Variants in NTNG2 observed in about 807,000 individuals in gnomAD.
The protein encoded by NTNG2 is netrin-G2.
A neutral mutation model predicts 47.6 loss-of-function variants in NTNG2; 15 were observed. That is an observed-to-expected ratio of 0.32 (90% CI 0.21 to 0.49). NTNG2 has a LOEUF of 0.49. NTNG2 is among the 20% of genes least tolerant of loss of function. NTNG2 has a pLI of 0.99. For synonymous variants in NTNG2, 307 were observed against 324.6 expected, an observed-to-expected ratio of 0.95 and a Z score of 0.58; for missense variants, 578 against 764.6, an observed-to-expected ratio of 0.76 and a Z score of 2.88.
intron 3 of NTNG2, 59 bp downstream of exon 3, chr9:132,198,668 G>A: frequency 6.6e-7 from 1 of 1,519,974 alleles, no homozygotes. Flanking sequence ...CTGTTACCTG[G>A]GACGTTATTG....
intron 3 of NTNG2, among the ~76,000 whole-genome samples, chr9:132,210,520 A>G (rs751262455): frequency 2.0e-5 from 3 of 152,224 alleles, no homozygotes; most frequent in Non-Finnish European, 4.4e-5. Context: ...AGCCAAAGGT[A>G]CTTTGGAGGA....
intron 4 of NTNG2, among the ~76,000 whole-genome samples, chr9:132,229,447 C>G (rs551632415): frequency 6.6e-6 from 1 of 152,280 alleles, no homozygotes; most frequent in East Asian, 1.9e-4. Context: ...GCAGCCCTCA[C>G]TCCCGATGCC....
At chr9:132,224,726 A>G (rs1840606354) in intron 3 of NTNG2, among the ~76,000 whole-genome samples, 1 of 152,260 alleles carries the variant, frequency 6.6e-6, no homozygotes, top group Non-Finnish European at 1.5e-5. Flanking sequence ...ATATCAGAAT[A>G]TAGAGCACAC....
chr9:132,186,174 C>A (rs1837366842), intron 2 of NTNG2, among the ~76,000 whole-genome samples: 1 of 152,160 alleles, frequency 6.6e-6, no homozygotes, highest in Admixed American at 6.5e-5. Context: ...GGTAATGAAA[C>A]CCCTGTCGCT....
At position 132,235,582 on chromosome 9, in the gene NTNG2, A is replaced by C. The variant is rs1002624281; in HGVS notation, c.1055-3522A>C. Among the ~76,000 whole-genome samples, 4 of 152,154 alleles carry C rather than the reference A, an allele frequency of 2.6e-5. No homozygotes were observed. In the South Asian group the frequency reaches 8.3e-4, roughly 32 times the overall value. ...GTGGGGTGCGGGGCTGTGATGCCTC[A>C]GTATGTACCCAGCTTCCCTCAGCAC... is the stretch of plus-strand genomic sequence containing the variant. On this transcript the variant is annotated intron_variant, in intron 5 of 7. Transcript: ENST00000393229.
intron 2 of NTNG2, among the ~76,000 whole-genome samples, chr9:132,179,085 C>T (rs967091340): frequency 6.6e-6 from 1 of 152,098 alleles, no homozygotes; most frequent in Non-Finnish European, 1.5e-5. Flanking sequence ...GAGCTTCAGA[C>T]CCTGGAGGCT....
rs932431713 is a variant in NTNG2, at chr9:132,208,656, G to A, written c.857+10047G>A. Among the ~76,000 whole-genome samples the A allele has an allele frequency of 6.6e-6, 1 of 152,196 alleles. No homozygotes were observed. The highest frequency in any genetic ancestry group is 1.5e-5 in the Non-Finnish European group (1 of 68,024). The stretch of plus-strand genomic sequence containing the variant: ...CCCAGGCATCTGGCTTTGAGACACT[G>A]GGTGGATGGAAATTTTGCCTTGTCA... On this transcript the variant is annotated intron_variant, in intron 3 of 7. Transcript: ENST00000393229. The surrounding 1 kb of genome is among the most constrained non-coding windows in gnomAD (Gnocchi z 4.0).
Position 132,167,897 on chromosome 9 carries a change from G to A in NTNG2, c.213+853G>A, listed in dbSNP as rs562478904. Among the ~76,000 whole-genome samples the A allele has an allele frequency of 1.9e-4, 29 of 152,310 alleles. No individual in the cohort carries two copies. In the East Asian group the frequency reaches 3.1e-3, roughly 16 times the overall value. On this transcript the variant is annotated intron_variant, in intron 2 of 7. Transcript: ENST00000393229. ...ATTCTGTGTTGTATAAAGCAGGAGC[G>A]TCAGGGGAGGGCTCTGGCCCAGTGA...
Position 132,176,334 on chromosome 9 carries a change from C to T in NTNG2, c.213+9290C>T, listed in dbSNP as rs139948966. Among the ~76,000 whole-genome samples, 8 of 152,330 alleles carry T rather than the reference C, an allele frequency of 5.3e-5. 1 individual carries two copies. Among genetic ancestry groups the T allele is most frequent in the African/African-American group, 1.2e-4 (5 of 41,572 alleles). Reference sequence around the variant, plus strand: ...TCGCCCCAATAGAAAACCCTGCACCCGTTAGTTACTCCCCATCTCCTTCCC... The same window carrying T: ...TCGCCCCAATAGAAAACCCTGCACCTGTTAGTTACTCCCCATCTCCTTCCC... On this transcript the variant is annotated intron_variant, in intron 2 of 7. Transcript: ENST00000393229.
intron 3 of NTNG2, among the ~76,000 whole-genome samples, chr9:132,206,606 G>A: frequency 6.6e-6 from 1 of 152,256 alleles, no homozygotes; most frequent in East Asian, 1.9e-4. Context: ...GGCGGAGGTT[G>A]CAGTGAGCCG....
At chr9:132,174,449 G>A (rs111657772) in intron 2 of NTNG2, among the ~76,000 whole-genome samples, 9 of 152,298 alleles carry the variant, frequency 5.9e-5, no homozygotes, top group African/African-American at 1.4e-4. Flanking sequence ...GATGGGGCCC[G>A]GGGGCATCCC....
chr9:132,202,482 G>T (rs571292677), intron 3 of NTNG2, among the ~76,000 whole-genome samples: 4 of 152,282 alleles, frequency 2.6e-5, no homozygotes, highest in East Asian at 1.9e-4. Flanking sequence ...CCTGCCTCCC[G>T]CGGAGCCTGC....
At position 132,162,951 on chromosome 9, in the gene NTNG2, CTCGCGGGG is replaced by C. The variant is rs1375797805; in HGVS notation, c.-484+715_-484+722del. Among the ~76,000 whole-genome samples, 5 of 152,134 alleles carry C rather than the reference CTCGCGGGG, an allele frequency of 3.3e-5. No individual in the cohort carries two copies. In the East Asian group the frequency reaches 9.7e-4, roughly 30 times the overall value. ...GAAGGCGGGAAGAGAGGACCGCGGG[CTCGCGGGG>C]TCCGCCCGCTCCGGAGTAAGTTGGC... On this transcript the variant is annotated intron_variant, in intron 1 of 7. Coordinates refer to ENST00000393229, the MANE Select transcript of NTNG2 (RefSeq NM_032536.4). This position sits in a 1 kb window ranked among gnomAD's most constrained non-coding sequence, Gnocchi z 4.6.
chr9:132,198,643 A>C, intron 3 of NTNG2, 34 bp downstream of exon 3: 1 of 1,584,238 alleles, frequency 6.3e-7, no homozygotes, highest in Non-Finnish European at 8.6e-7. Context: ...TGTCACCTGC[A>C]ACCTGGGATG....
chr9:132,211,728 C>A lies in NTNG2; in HGVS notation c.857+13119C>A, dbSNP rs567555325. The stretch of plus-strand genomic sequence containing the variant: ...ACCTGTGCAACCAGCCCCTCGGTCC[C>A]CTTCTCCAGCCTTGGCGGCTTGTGA... On this transcript the variant is annotated intron_variant, in intron 3 of 7. Transcript: ENST00000393229. Among the ~76,000 whole-genome samples, 5 of 152,276 alleles carry A rather than the reference C, an allele frequency of 3.3e-5. No individual in the cohort carries two copies. In the East Asian group the frequency reaches 9.7e-4, roughly 29 times the overall value.
chr9:132,205,959 G>T (rs1354618110), intron 3 of NTNG2, among the ~76,000 whole-genome samples: 1 of 152,078 alleles, frequency 6.6e-6, no homozygotes, highest in Non-Finnish European at 1.5e-5. Flanking sequence ...TAGATGGGTG[G>T]GTGGTCTCCA....
chr9:132,172,494 G>C (rs897089585), intron 2 of NTNG2, among the ~76,000 whole-genome samples: 2 of 152,160 alleles, frequency 1.3e-5, no homozygotes, highest in East Asian at 3.8e-4. Context: ...CATAGTAGTT[G>C]CTCACTGCGT....
chr9:132,240,868 A>C, intron 6 of NTNG2, 42 bp from the exon 7 acceptor site: 1 of 1,612,014 alleles, frequency 6.2e-7, no homozygotes, highest in South Asian at 1.1e-5. Context: ...GACGGCGCCC[A>C]CACGTAGCCC....
Position 132,234,445 on chromosome 9 carries a change from C to G in NTNG2, c.1054+3850C>G, listed in dbSNP as rs1245919397. Among the ~76,000 whole-genome samples the G allele has an allele frequency of 2.0e-5, 3 of 152,354 alleles. No homozygotes were observed. The East Asian group carries it at 5.8e-4, about 29-fold the overall frequency. ...CCATGGCGAGAACTTGCTTCCCACA[C>G]ACCTGAGTGTGTCCCTGGGCAGCCA... On this transcript the variant is annotated intron_variant, in intron 5 of 7. Transcript: ENST00000393229.
Sources: allele counts gnomAD v4.1 joint callset (sites outside exome capture counted in the v4.1 genomes callset), GRCh38; gene constraint gnomAD v4.1.1; non-coding constraint Gnocchi (gnomAD v3.1); transcripts MANE v1.5; gene names NCBI Gene and HGNC (gene_info 2026-07-23, HGNC 2026-07-21).